DCAF6: variants seen among roughly 807,000 people sequenced by gnomAD.
DCAF6 encodes DDB1- and CUL4-associated factor 6.
A neutral mutation model predicts 125.1 loss-of-function variants in DCAF6; 54 were observed. That is an observed-to-expected ratio of 0.43 (90% CI 0.35 to 0.54). The LOEUF (loss-of-function observed/expected upper bound fraction) is 0.54, where lower values mean the gene tolerates loss of function less well. DCAF6 is among the 20% of genes least tolerant of loss of function. DCAF6 has a pLI of 0.01. For missense variants in DCAF6, 934 were observed against 1,161.7 expected, an observed-to-expected ratio of 0.80 and a Z score of 2.85; for synonymous variants, 371 against 390.4, an observed-to-expected ratio of 0.95 and a Z score of 0.58.
At chr1:167,880,653 C>CT in the DCAF6 span, 7 of 1,447,944 alleles carry the variant, frequency 4.8e-6, no homozygotes, top group African/African-American at 1.4e-5. Flanking sequence ...GGACAGTGTG[C>CT]TTTAAACTGG....
intron 17 of DCAF6, among the ~76,000 whole-genome samples, chr1:168,061,386 T>G: frequency 6.6e-6 from 1 of 152,196 alleles, no homozygotes; most frequent in Middle Eastern, 3.2e-3. Flanking sequence ...TACATAATTA[T>G]TTTAAAAATT....
intron 10 of DCAF6, 54 bp from the exon 11 acceptor site, chr1:168,015,727 A>C: frequency 1.5e-6 from 2 of 1,345,466 alleles, no homozygotes; most frequent in Non-Finnish European, 1.9e-6. Flanking sequence ...TCAAATTCTT[A>C]TTATTTTCTA....
chr1:167,942,374 A>G (rs1185572403), intron 1 of DCAF6, among the ~76,000 whole-genome samples: 1 of 151,822 alleles, frequency 6.6e-6, no homozygotes, highest in Non-Finnish European at 1.5e-5. Flanking sequence ...TTTAATTTGC[A>G]TTTCTCTAGT....
chr1:167,938,724 G>GTT (rs889019765), intron 1 of DCAF6, among the ~76,000 whole-genome samples: 1 of 152,202 alleles, frequency 6.6e-6, no homozygotes, highest in Non-Finnish European at 1.5e-5. Flanking sequence ...CAGTTGGACA[G>GTT]TTTAAGTACT....
At chr1:167,951,130 G>A (rs1673868318) in intron 1 of DCAF6, among the ~76,000 whole-genome samples, 1 of 152,052 alleles carries the variant, frequency 6.6e-6, no homozygotes, top group African/African-American at 2.4e-5. Flanking sequence ...TCATAAGCAG[G>A]CAGAAATCTT....
chr1:167,951,916 GT>G, intron 2 of DCAF6, 55 bp downstream of exon 2: 3 of 1,203,392 alleles, frequency 2.5e-6, no homozygotes, highest in Middle Eastern at 3.9e-4. Context: ...GTGTTTAAGT[GT>G]TTGATGAAAT....
intron 13 of DCAF6, among the ~76,000 whole-genome samples, chr1:168,038,822 C>T (rs570141210): frequency 4.9e-4 from 74 of 151,978 alleles, no homozygotes; most frequent in African/African-American, 1.7e-3. Context: ...AAAATATAAA[C>T]ATTTTGGGAC....
chr1:167,869,621 C>G, the DCAF6 span, among the ~76,000 whole-genome samples: 4 of 152,090 alleles, frequency 2.6e-5, no homozygotes, highest in Non-Finnish European at 5.9e-5. Flanking sequence ...ATAGATTCCA[C>G]ACATTGTATG....
intron 3 of DCAF6, among the ~76,000 whole-genome samples, chr1:167,973,021 A>G (rs1677572605): frequency 6.6e-6 from 1 of 152,208 alleles, no homozygotes; most frequent in South Asian, 2.1e-4. Context: ...TTACTAATGC[A>G]CAGCCAAAGC....
chr1:167,953,627 G>C (rs1191574104), intron 2 of DCAF6, among the ~76,000 whole-genome samples: 1 of 152,114 alleles, frequency 6.6e-6, no homozygotes, highest in Non-Finnish European at 1.5e-5. Flanking sequence ...TTGATATGGG[G>C]TCTTGCTCTG....
chr1:167,869,750 C>A, the DCAF6 span, among the ~76,000 whole-genome samples: 1 of 152,174 alleles, frequency 6.6e-6, no homozygotes, highest in Admixed American at 6.5e-5. Flanking sequence ...TGCAGACCCC[C>A]TTAGAGTTGT....
chr1:167,887,814 C>T, the DCAF6 span, among the ~76,000 whole-genome samples: 9 of 150,714 alleles, frequency 6.0e-5, no homozygotes, highest in Non-Finnish European at 1.2e-4. Context: ...CCCATCTGTC[C>T]ATTTTTGCTT....
chr1:168,036,133 A>G (rs1300293504), intron 12 of DCAF6, among the ~76,000 whole-genome samples: 2 of 152,194 alleles, frequency 1.3e-5, no homozygotes, highest in Non-Finnish European at 2.9e-5. Context: ...TTTAATTATC[A>G]TTAACCATCT....
chr1:167,915,300 A>G, the DCAF6 span, among the ~76,000 whole-genome samples: 2 of 152,174 alleles, frequency 1.3e-5, no homozygotes, highest in South Asian at 2.1e-4. Flanking sequence ...CACCCCACCT[A>G]CTACTCCTCT....
chr1:168,045,373 T>A, intron 16 of DCAF6, 146 bp downstream of exon 16: 2 of 730,074 alleles, frequency 2.7e-6, no homozygotes, highest in Non-Finnish European at 4.4e-6. Flanking sequence ...ACTTTACAGT[T>A]TACTGTAAAT....
chr1:167,900,640 C>T, the DCAF6 span, among the ~76,000 whole-genome samples: 1 of 152,078 alleles, frequency 6.6e-6, no homozygotes, highest in African/African-American at 2.4e-5. Context: ...TCAAGCAATT[C>T]TCCTGCCTCA....
At chr1:167,913,840 G>T in the DCAF6 span, 2 of 152,208 alleles carry the variant, frequency 1.3e-5, no homozygotes, top group Non-Finnish European at 2.9e-5. Context: ...TGACACAGAG[G>T]TATACACAAA....
the DCAF6 span, among the ~76,000 whole-genome samples, chr1:167,913,713 C>T: frequency 8.6e-5 from 13 of 150,780 alleles, no homozygotes; most frequent in African/African-American, 2.7e-4. Flanking sequence ...GAGGATATCA[C>T]GTGAGAAACT....
At chr1:167,996,019 A>G (rs1249703794) in intron 7 of DCAF6, among the ~76,000 whole-genome samples, 1 of 152,250 alleles carries the variant, frequency 6.6e-6, no homozygotes, top group African/African-American at 2.4e-5. Context: ...GTATAAGTAG[A>G]ACAAAGTAGG....
Sources: gnomAD v4.1 joint callset for allele counts (sites outside exome capture counted in the v4.1 genomes callset) on GRCh38, gnomAD v4.1.1 for gene constraint, MANE v1.5 for transcripts, NCBI Gene and HGNC (gene_info 2026-07-23, HGNC 2026-07-21) for gene names.